The following GPR158 variants were observed in gnomAD, a reference collection of about 807,000 sequenced individuals.
GPR158 encodes G protein-coupled receptor 158.
Under a neutral mutation model 78.2 loss-of-function variants are expected in GPR158, and 30 were observed. That is an observed-to-expected ratio of 0.38 (90% CI 0.29 to 0.52). The LOEUF is 0.52. Ranked by LOEUF, GPR158 falls within the 20% of genes least tolerant of loss-of-function variation. GPR158 has a pLI of 0.83. For synonymous variants in GPR158, 581 were observed against 591.1 expected (o/e 0.98, Z 0.25); for missense variants, 1,463 against 1,523.5 (o/e 0.96, Z 0.66).
intron 1 of GPR158, among the ~76,000 whole-genome samples, chr10:25,203,488 C>T (rs1852965944): frequency 6.6e-6 from 1 of 151,882 alleles, no homozygotes; most frequent in Admixed American, 6.6e-5. Context: ...CCAGTTTTCC[C>T]AGCACCATTT....
chr10:25,175,387 C>CA lies in GPR158; in HGVS notation c.-34_-33insA. Reference sequence around the variant, plus strand: ...CCAAATTTAAAAAGTGATTCCCCCCCCTCCCGTTCCCTCCTCTTCTCTCTG... The same window carrying CA: ...CCAAATTTAAAAAGTGATTCCCCCCCACTCCCGTTCCCTCCTCTTCTCTCTG... On this transcript the variant is annotated 5_prime_UTR_variant, in exon 1 of 11. Transcript: ENST00000376351. The surrounding 1 kb of genome is among the most constrained non-coding windows in gnomAD (Gnocchi z 6.4). 1 of 1,315,124 alleles carries CA rather than the reference C, an allele frequency of 7.6e-7. No individual in the cohort carries two copies. The highest frequency in any genetic ancestry group is 1.1e-6 in the Non-Finnish European group (1 of 952,226). The allele number at this position is 1,315,124 out of a possible 1,614,324, so 81.5% of individuals were successfully genotyped here. A position where few individuals can be genotyped will look rare whatever the true frequency, so the allele number is the denominator to read the frequency against.
chr10:25,245,420 T>TA (rs939703371), intron 2 of GPR158, among the ~76,000 whole-genome samples: 103 of 149,274 alleles, frequency 6.9e-4, no homozygotes, highest in Middle Eastern at 3.4e-3. Flanking sequence ...AAGAAAGGAT[T>TA]AAAAAAAAAA....
At chr10:25,273,946 A>G (rs968128960) in intron 2 of GPR158, among the ~76,000 whole-genome samples, 8 of 152,056 alleles carry the variant, frequency 5.3e-5, no homozygotes, top group Non-Finnish European at 1.2e-4. Flanking sequence ...CCAAAGTACT[A>G]GGATTACAGG....
intron 2 of GPR158, among the ~76,000 whole-genome samples, chr10:25,384,049 A>C (rs1834189960): frequency 6.6e-6 from 1 of 152,222 alleles, no homozygotes; most frequent in South Asian, 2.1e-4. Flanking sequence ...TGTGGTAAAC[A>C]GTAAATATTA....
chr10:25,473,846 A>G (rs1199573433), intron 5 of GPR158, among the ~76,000 whole-genome samples: 1 of 152,132 alleles, frequency 6.6e-6, no homozygotes, highest in Non-Finnish European at 1.5e-5. Context: ...GTTCTCAGAT[A>G]AAACATGATC....
At chr10:25,594,685 C>T (rs533166460) in intron 9 of GPR158, among the ~76,000 whole-genome samples, 5 of 151,970 alleles carry the variant, frequency 3.3e-5, no homozygotes, top group African/African-American at 9.6e-5. Flanking sequence ...GCTGTAACAG[C>T]AAGATCATTT....
At chr10:25,274,795 G>C (rs1247832917) in intron 2 of GPR158, among the ~76,000 whole-genome samples, 1 of 152,122 alleles carries the variant, frequency 6.6e-6, no homozygotes, top group African/African-American at 2.4e-5. Flanking sequence ...TTTTTGTTGT[G>C]TTCTTTGGTG....
chr10:25,349,904 C>CCT (rs879464530), intron 2 of GPR158, among the ~76,000 whole-genome samples: 5,822 of 138,388 alleles, frequency 0.042, 685 homozygotes, highest in African/African-American at 0.16. Context: ...TCTGGTGAGA[C>CCT]TAAAGGAAAG....
At chr10:25,309,703 G>T (rs898882724) in intron 2 of GPR158, among the ~76,000 whole-genome samples, 6 of 152,010 alleles carry the variant, frequency 3.9e-5, no homozygotes, top group African/African-American at 1.5e-4. Flanking sequence ...CATGGGGGTG[G>T]GTCTTTCCTG....
chr10:25,356,063 C>G (rs970729567), intron 2 of GPR158, among the ~76,000 whole-genome samples: 1 of 152,078 alleles, frequency 6.6e-6, no homozygotes, highest in African/African-American at 2.4e-5. Flanking sequence ...TGCTAAGGAA[C>G]AGAAGATAGT....
intron 2 of GPR158, among the ~76,000 whole-genome samples, chr10:25,330,014 C>CTTTTTTTTT: frequency 6.8e-6 from 1 of 147,766 alleles, no homozygotes. Flanking sequence ...TGAGATAATT[C>CTTTTTTTTT]TTTTTTTTTT....
intron 2 of GPR158, among the ~76,000 whole-genome samples, chr10:25,223,690 C>T (rs1040936125): frequency 6.6e-6 from 1 of 152,068 alleles, no homozygotes; most frequent in Non-Finnish European, 1.5e-5. Context: ...TGTTACCATC[C>T]CAAGGATCGC....
intron 4 of GPR158, among the ~76,000 whole-genome samples, chr10:25,438,055 GA>G (rs1434430331): frequency 6.6e-6 from 1 of 152,156 alleles, no homozygotes; most frequent in African/African-American, 2.4e-5. Context: ...CAGAAGATCT[GA>G]ATTTTATCTG....
At chr10:25,288,915 G>A (rs1470267498) in intron 2 of GPR158, among the ~76,000 whole-genome samples, 1 of 152,130 alleles carries the variant, frequency 6.6e-6, no homozygotes, top group Non-Finnish European at 1.5e-5. Context: ...TACAATGCCT[G>A]TGGAAATTTA....
chr10:25,285,500 A>T (rs1854338748), intron 2 of GPR158, among the ~76,000 whole-genome samples: 1 of 152,172 alleles, frequency 6.6e-6, no homozygotes, highest in South Asian at 2.1e-4. Context: ...CTCAGGAGGC[A>T]CTAGTGTAAG....
intron 3 of GPR158, among the ~76,000 whole-genome samples, chr10:25,409,140 C>T (rs1391857407): frequency 3.3e-5 from 5 of 152,158 alleles, no homozygotes; most frequent in Non-Finnish European, 4.4e-5. Flanking sequence ...TGGCTTTCCT[C>T]TTTCGCCTTT....
intron 5 of GPR158, among the ~76,000 whole-genome samples, chr10:25,513,741 A>G (rs1836120469): frequency 6.6e-6 from 1 of 152,080 alleles, no homozygotes; most frequent in South Asian, 2.1e-4. Context: ...CAGTTCAAAG[A>G]ATTTTAAAAT....
chr10:25,358,373 T>C (rs1855582121), intron 2 of GPR158, among the ~76,000 whole-genome samples: 1 of 152,066 alleles, frequency 6.6e-6, no homozygotes, highest in Non-Finnish European at 1.5e-5. Context: ...GGTGAAATGA[T>C]ATGGTTTGGC....
At chr10:25,303,192 G>C (rs951352510) in intron 2 of GPR158, among the ~76,000 whole-genome samples, 1 of 152,180 alleles carries the variant, frequency 6.6e-6, no homozygotes, top group Non-Finnish European at 1.5e-5. Flanking sequence ...GCCACGTGTA[G>C]CTATATAAAT....
Sources: gnomAD v4.1 joint callset for allele counts (sites outside exome capture counted in the v4.1 genomes callset) on GRCh38, gnomAD v4.1.1 for gene constraint, Gnocchi (gnomAD v3.1) non-coding constraint, MANE v1.5 for transcripts, NCBI Gene and HGNC (gene_info 2026-07-23, HGNC 2026-07-21) for gene names.